PPM1E: variants seen among roughly 807,000 people sequenced by gnomAD.
PPM1E encodes the protein protein phosphatase, Mg2+/Mn2+ dependent 1E, also known as protein phosphatase 1E.
PPM1E carries 20 observed loss-of-function variants against 65.9 expected under a neutral mutation model. The ratio of observed to expected loss-of-function variants is 0.30; its 90% confidence interval spans 0.21 to 0.44. The LOEUF is 0.44. Among genes scored for constraint, PPM1E ranks in the 20% least tolerant of loss-of-function variants. The pLI is 1.00. For synonymous variants in PPM1E, 352 were observed against 374.9 expected (o/e 0.94, Z 0.70); for missense variants, 713 against 953.1 (o/e 0.75, Z 3.32).
chr17:58,931,085 AAGAAAGAAAG>A (rs1398089179), intron 1 of PPM1E, among the ~76,000 whole-genome samples: 8 of 99,756 alleles, frequency 8.0e-5, no homozygotes, highest in African/African-American at 2.7e-4. Context: ...AAAAAAAAAA[AAGAAAGAAAG>A]AAAGAAAAAA....
intron 1 of PPM1E, among the ~76,000 whole-genome samples, chr17:58,878,027 A>T (rs914027171): frequency 6.6e-6 from 1 of 152,168 alleles, no homozygotes; most frequent in African/African-American, 2.4e-5. Flanking sequence ...AGTGAAAAAT[A>T]AAAATAAGAA....
chr17:58,933,065 C>T (rs116153931), intron 1 of PPM1E, among the ~76,000 whole-genome samples: 2,902 of 152,274 alleles, frequency 0.019, 91 homozygotes, highest in African/African-American at 0.066. Flanking sequence ...AGGCTGTACC[C>T]TATAGCCTAC....
chr17:58,924,100 A>C (rs575904687), intron 1 of PPM1E, among the ~76,000 whole-genome samples: 48 of 151,518 alleles, frequency 3.2e-4, no homozygotes, highest in Admixed American at 8.5e-4. Flanking sequence ...TGTATTTTTT[A>C]GTAGAGACAG....
At chr17:58,962,806 A>G (rs2143663899) in intron 2 of PPM1E, among the ~76,000 whole-genome samples, 1 of 152,278 alleles carries the variant, frequency 6.6e-6, no homozygotes, top group East Asian at 1.9e-4. Flanking sequence ...AGGGACAGGC[A>G]TGGCAGCTCA....
intron 1 of PPM1E, among the ~76,000 whole-genome samples, chr17:58,876,159 AGTAT>A (rs2051124580): frequency 1.3e-5 from 2 of 152,158 alleles, no homozygotes; most frequent in African/African-American, 4.8e-5. Flanking sequence ...ATTCACTGGT[AGTAT>A]ATCTGTGATT....
chr17:58,820,097 T>A (rs1458174211), intron 1 of PPM1E, among the ~76,000 whole-genome samples: 1 of 152,050 alleles, frequency 6.6e-6, no homozygotes, highest in East Asian at 1.9e-4. Flanking sequence ...AAGCGAGCCC[T>A]CACTCACTAG....
In PPM1E at chr17:58,827,901, CA is replaced by C. The variant is rs59217561; in HGVS notation, c.464+71452del. Among the ~76,000 whole-genome samples the C allele has an allele frequency of 4.5e-4, 51 of 113,258 alleles. 1 individual carries two copies. Among genetic ancestry groups the C allele is most frequent in the Non-Finnish European group, 1.4e-4 (8 of 55,898 alleles). 74.3% of individuals were successfully genotyped at this position (113,258 alleles called of 152,430 possible). On this transcript the variant is annotated intron_variant, in intron 1 of 6. Coordinates refer to ENST00000308249, the MANE Select transcript of PPM1E (RefSeq NM_014906.5). Reference sequence around the variant, plus strand: ...TGGGCGACAGAGCGAGACTCCATCTCAAAAAAAAAAAATAATAATAATAATA... The same window carrying C: ...TGGGCGACAGAGCGAGACTCCATCTCAAAAAAAAAAATAATAATAATAATA...
At chr17:58,860,335 G>A (rs565014278) in intron 1 of PPM1E, among the ~76,000 whole-genome samples, 42 of 152,322 alleles carry the variant, frequency 2.8e-4, no homozygotes, top group African/African-American at 1.0e-3. Context: ...TTTGGAGCTA[G>A]CCAGTAAATA....
intron 6 of PPM1E, among the ~76,000 whole-genome samples, chr17:58,975,111 C>G (rs2030914095): frequency 6.6e-6 from 1 of 152,150 alleles, no homozygotes; most frequent in Non-Finnish European, 1.5e-5. Flanking sequence ...CTGAAAATCA[C>G]CGAACCAGAG....
chr17:58,958,256 G>A (rs2029914585), intron 2 of PPM1E, among the ~76,000 whole-genome samples: 1 of 151,028 alleles, frequency 6.6e-6, no homozygotes, highest in Non-Finnish European at 1.5e-5. Flanking sequence ...TGTTACCCAG[G>A]CTGGAGGGCT....
Position 58,825,224 on chromosome 17 carries a change from TCACACACACACACACACA to T in PPM1E, c.464+68786_464+68803del, listed in dbSNP as rs71367635. 7.1e-5 allele frequency among the ~76,000 whole-genome samples: 10 copies of T among 140,158 alleles called. No homozygotes were observed. In the South Asian group the frequency reaches 1.1e-3, roughly 16 times the overall value. 91.9% of individuals were successfully genotyped at this position (140,158 alleles called of 152,430 possible). ...GAACTATTGATTCTCACACACACAC[TCACACACACACACACACA>T]CACACACACACACACACACACAAAA... On this transcript the variant is annotated intron_variant, in intron 1 of 6. Coordinates refer to ENST00000308249, the MANE Select transcript of PPM1E (RefSeq NM_014906.5).
intron 1 of PPM1E, among the ~76,000 whole-genome samples, chr17:58,792,743 C>CTTTTTTTTTTTTTTTTTTTTTTTTT (rs780992600): frequency 1.3e-5 from 1 of 76,380 alleles, no homozygotes; most frequent in African/African-American, 6.4e-5. Context: ...GAATTTTACT[C>CTTTTTTTTTTTTTTTTTTTTTTTTT]TTTTTTTTTT....
intron 1 of PPM1E, among the ~76,000 whole-genome samples, chr17:58,785,840 T>A (rs117859920): frequency 6.6e-6 from 1 of 151,962 alleles, no homozygotes; most frequent in Non-Finnish European, 1.5e-5. Flanking sequence ...TGAGCACTTA[T>A]CACACACTGT....
chr17:58,951,381 A>G (rs2052236257), intron 1 of PPM1E: 1 of 152,250 alleles, frequency 6.6e-6, no homozygotes, highest in Non-Finnish European at 1.5e-5. Context: ...AGCTCAGGTC[A>G]GAAATAGAGC....
At chr17:58,793,638 G>A (rs1018290343) in intron 1 of PPM1E, among the ~76,000 whole-genome samples, 4 of 151,990 alleles carry the variant, frequency 2.6e-5, no homozygotes, top group Admixed American at 6.6e-5. Context: ...TTACAAGCAT[G>A]AGCCACTGTG....
At chr17:58,966,385 T>G (rs1230025844) in intron 3 of PPM1E, 3 of 181,130 alleles carry the variant, frequency 1.7e-5, no homozygotes, top group Admixed American at 9.7e-5. Flanking sequence ...AAAAAACAAT[T>G]AAAAAAAATT....
At chr17:58,878,337 G>T (rs2051150996) in intron 1 of PPM1E, among the ~76,000 whole-genome samples, 1 of 151,908 alleles carries the variant, frequency 6.6e-6, no homozygotes, top group Non-Finnish European at 1.5e-5. Flanking sequence ...CCACCTCCCG[G>T]GTTCAAGGGA....
chr17:58,776,920 G>A (rs2049999476), intron 1 of PPM1E, among the ~76,000 whole-genome samples: 1 of 152,102 alleles, frequency 6.6e-6, no homozygotes, highest in Non-Finnish European at 1.5e-5. Context: ...GAGGAGGTGG[G>A]CTATAGGAAT....
chr17:58,869,261 C>A (rs2051042293), intron 1 of PPM1E, among the ~76,000 whole-genome samples: 1 of 152,042 alleles, frequency 6.6e-6, no homozygotes, highest in Non-Finnish European at 1.5e-5. Context: ...TGTTTTTTCC[C>A]CAAATCTTTC....
Sources: allele counts gnomAD v4.1 joint callset (sites outside exome capture counted in the v4.1 genomes callset), GRCh38; gene constraint gnomAD v4.1.1; transcripts MANE v1.5; gene names NCBI Gene and HGNC (gene_info 2026-07-23, HGNC 2026-07-21).